Variants in SCN10A observed in about 807,000 individuals in gnomAD.
SCN10A encodes sodium channel protein type 10 subunit alpha.
In SCN10A, 162 loss-of-function variants were observed where a neutral mutation model predicts 170.7. That is an observed-to-expected ratio of 0.95 (90% CI 0.84 to 1.08). SCN10A has a LOEUF of 1.08. Ranked by LOEUF, SCN10A falls within the 50% of genes least tolerant of loss-of-function variation. The probability of loss-of-function intolerance (pLI) is 0.00; values close to 1 mark genes in which losing one functional copy is unlikely to be tolerated. For synonymous variants in SCN10A, 985 were observed against 904.6 expected (o/e 1.09, Z -1.59); for missense variants, 2,527 against 2,436.9 (o/e 1.04, Z -0.78).
rs751810656 is a variant in SCN10A, at chr3:38,728,754, CT to C, written c.2427del (p.Glu811LysfsTer61). The stretch of plus-strand genomic sequence containing the variant: ...TTTCGGTTGTTACGGTAGTTTTCCC[CT>C]AGGAGCTGCTTGCCAACCAGAGCAA... ...FVFALVGKQL[L>X]GENYRNNRKN... On this transcript the variant is annotated frameshift_variant, in exon 16 of 28. Coordinates refer to ENST00000449082, the MANE Select transcript of SCN10A (RefSeq NM_006514.4). LOFTEE classifies it high-confidence loss of function. The C allele has an allele frequency of 3.8e-5, 62 of 1,614,068 alleles. No homozygotes were observed. Among genetic ancestry groups the C allele is most frequent in the Non-Finnish European group, 4.6e-5 (54 of 1,180,040 alleles).
At chr3:38,715,956 G>A (rs1042619196) in intron 21 of SCN10A, among the ~76,000 whole-genome samples, 1 of 152,172 alleles carries the variant, frequency 6.6e-6, no homozygotes, top group African/African-American at 2.4e-5. Flanking sequence ...TGGCTAGAAG[G>A]AAAGAAAGAA....
intron 15 of SCN10A, among the ~76,000 whole-genome samples, chr3:38,730,150 A>T (rs1401804646): frequency 6.6e-6 from 1 of 152,172 alleles, no homozygotes; most frequent in Non-Finnish European, 1.5e-5. Context: ...CTGCTTTAAG[A>T]CTAGATCCCA....
At chr3:38,766,329 G>A (rs926250512) in intron 5 of SCN10A, among the ~76,000 whole-genome samples, 1 of 152,140 alleles carries the variant, frequency 6.6e-6, no homozygotes, top group African/African-American at 2.4e-5. Flanking sequence ...CAGGGGGAAT[G>A]CTTTCAACTT....
chr3:38,760,049 G>T (rs1386155985), intron 8 of SCN10A, among the ~76,000 whole-genome samples: 1 of 152,178 alleles, frequency 6.6e-6, no homozygotes, highest in Non-Finnish European at 1.5e-5. Flanking sequence ...TATTAAAATG[G>T]CTATAATTCT....
intron 13 of SCN10A, 138 bp downstream of exon 13, chr3:38,749,935 G>T (rs2063729596): frequency 2.0e-6 from 1 of 500,612 alleles, no homozygotes; most frequent in Non-Finnish European, 3.5e-6. Flanking sequence ...TGGGGCCTAA[G>T]ACATAAGAAT....
intron 4 of SCN10A, among the ~76,000 whole-genome samples, chr3:38,777,336 G>A (rs1304377797): frequency 1.3e-5 from 2 of 151,906 alleles, no homozygotes; most frequent in Non-Finnish European, 2.9e-5. Flanking sequence ...TCACTATATA[G>A]AAATTAATAA....
chr3:38,725,382 G>T, intron 17 of SCN10A, 68 bp from the exon 18 acceptor site: 1 of 1,438,966 alleles, frequency 6.9e-7, no homozygotes, highest in South Asian at 1.5e-5. Context: ...AATTTGAAGG[G>T]ATCTTGCACA....
rs775788526 is a variant in SCN10A at position 38,723,480 on chromosome 3, A to T, written c.3302T>A (p.Ile1101Asn). 3.1e-6 allele frequency: 5 copies of T among 1,614,056 alleles called. No individual in the cohort carries two copies. Among genetic ancestry groups the T allele is most frequent in the Non-Finnish European group, 4.2e-6 (5 of 1,179,962 alleles). Residue 1101 changes from isoleucine (I) to asparagine (N), a missense_variant, in exon 19 of 28, where the codon ATC (isoleucine) becomes AAC (asparagine). Transcript: ENST00000449082. ...CLDPEEILRKIPELADDLEEP... is the reference protein window; with the variant it reads ...CLDPEEILRKNPELADDLEEP... ...TTCCAGGTCATCTGCCAGCTCAGGG[A>T]TCTTCCTCAGGATTTCCTCAGGATC...
rs566372781 is a variant in SCN10A at position 38,732,733 on chromosome 3, C to G, written c.2281-3832G>C. ...GCACGAGCCTCATGAACCAGCAACC[C>G]TAGGGGAAGGGTTTATTAAACCTTA... On this transcript the variant is annotated intron_variant, in intron 15 of 27. Coordinates refer to ENST00000449082, the MANE Select transcript of SCN10A (RefSeq NM_006514.4). Among the ~76,000 whole-genome samples, 21 of 152,204 alleles carry G rather than the reference C, an allele frequency of 1.4e-4. No individual in the cohort carries two copies. In the South Asian group the frequency reaches 4.4e-3, roughly 32 times the overall value.
intron 4 of SCN10A, among the ~76,000 whole-genome samples, chr3:38,788,247 C>G (rs2064234042): frequency 3.6e-5 from 5 of 140,822 alleles, no homozygotes; most frequent in Admixed American, 3.5e-4. Flanking sequence ...AAAGAAAGCT[C>G]TGCAAAGCAC....
At chr3:38,765,017 T>C (rs986594641) in intron 5 of SCN10A, among the ~76,000 whole-genome samples, 7 of 152,174 alleles carry the variant, frequency 4.6e-5, no homozygotes, top group African/African-American at 9.6e-5. Context: ...CTTTTGAGAA[T>C]TGCGTATTCT....
intron 15 of SCN10A, among the ~76,000 whole-genome samples, chr3:38,736,858 C>T (rs1039790221): frequency 2.7e-5 from 4 of 150,672 alleles, no homozygotes; most frequent in Non-Finnish European, 5.9e-5. Flanking sequence ...GTAAACTTGC[C>T]TATTTTTGGT....
chr3:38,749,316 G>C (rs1190824024), intron 13 of SCN10A, among the ~76,000 whole-genome samples: 1 of 152,194 alleles, frequency 6.6e-6, no homozygotes, highest in African/African-American at 2.4e-5. Context: ...AATTTGTCTA[G>C]GGGAGTAAGA....
At chr3:38,803,439 G>A (rs903862479) in intron 1 of SCN10A, among the ~76,000 whole-genome samples, 1 of 152,028 alleles carries the variant, frequency 6.6e-6, no homozygotes, top group African/African-American at 2.4e-5. Flanking sequence ...AGAAAATGTG[G>A]CACATATACA....
Position 38,701,843 on chromosome 3 carries a change from A to G in SCN10A, c.4653T>C (p.Ile1551=), listed in dbSNP as rs1429379517. The G allele has an allele frequency of 1.2e-6, 2 of 1,602,274 alleles. No homozygotes were observed. The highest frequency in any genetic ancestry group is 1.3e-5 in the African/African-American group (1 of 74,664). ...ACCACGTGGCTGCCCACTTACTCGCAATGGAGAGAACCACCACAATGAAGT... is the reference window on the plus strand; with the variant it reads ...ACCACGTGGCTGCCCACTTACTCGCGATGGAGAGAACCACCACAATGAAGT... The part of the protein sequence containing the change: ...VFDFIVVVLS[I]ASLIFSAILK... Residue 1551 remains isoleucine (I), a synonymous_variant, in exon 27 of 28, where the codon ATT becomes ATC. Coordinates refer to ENST00000449082, the MANE Select transcript of SCN10A (RefSeq NM_006514.4).
In SCN10A at chr3:38,760,704, CA is replaced by C; in HGVS notation, c.926del (p.Leu309ArgfsTer45). On this transcript the variant is annotated frameshift_variant, in exon 8 of 28. Coordinates refer to ENST00000449082, the MANE Select transcript of SCN10A (RefSeq NM_006514.4). LOFTEE classifies it high-confidence loss of function. ...INKRGTSDPLLCGNGSDSGHC... is the reference protein window; with the variant it reads ...INKRGTSDPLXCGNGSDSGHC... Reference sequence around the variant, plus strand: ...ACCCTGAGTCAGATCCATTGCCACACAGTAAGGGGTCAGAAGTGCCTCGCTT... The same window carrying C: ...ACCCTGAGTCAGATCCATTGCCACACGTAAGGGGTCAGAAGTGCCTCGCTT... 1.2e-6 allele frequency: 2 copies of C among 1,614,108 alleles called. No homozygotes were observed. The highest frequency in any genetic ancestry group is 1.7e-6 in the Non-Finnish European group (2 of 1,179,932).
chr3:38,801,488 C>T (rs1042170498), intron 1 of SCN10A, among the ~76,000 whole-genome samples: 6 of 152,166 alleles, frequency 3.9e-5, no homozygotes, highest in African/African-American at 1.4e-4. Flanking sequence ...AGATTCAGAG[C>T]TTTACAATCT....
chr3:38,793,008 CTAGTTGTATGTATATACA>C (rs1559468593), intron 2 of SCN10A, among the ~76,000 whole-genome samples: 1 of 151,320 alleles, frequency 6.6e-6, no homozygotes, highest in African/African-American at 2.4e-5. Flanking sequence ...GCTACATGGT[CTAGTTGTATGTATATACA>C]TAGTTGTATG....
At chr3:38,761,882 G>A (rs964867749) in intron 6 of SCN10A, among the ~76,000 whole-genome samples, 3 of 151,360 alleles carry the variant, frequency 2.0e-5, no homozygotes, top group Admixed American at 2.0e-4. Context: ...GAGAGAGAGA[G>A]ATGCAAGAGA....
Sources: allele counts gnomAD v4.1 joint callset (sites outside exome capture counted in the v4.1 genomes callset), GRCh38; gene constraint gnomAD v4.1.1; transcripts MANE v1.5; gene names NCBI Gene and HGNC (gene_info 2026-07-23, HGNC 2026-07-21).